CCHCR1: variants seen among roughly 807,000 people sequenced by gnomAD.
CCHCR1 encodes the protein coiled-coil alpha-helical rod protein 1, also known as HCR (a-helix coiled-coil rod homologue).
Under a neutral mutation model 114.6 loss-of-function variants are expected in CCHCR1, and 91 were observed. The ratio of observed to expected loss-of-function variants is 0.79; its 90% CI spans 0.67 to 0.94. The LOEUF (loss-of-function observed/expected upper bound fraction) is 0.94. CCHCR1 is among the 40% of genes least tolerant of loss of function. The pLI, the probability that CCHCR1 is intolerant of heterozygous loss-of-function variation, is 0.00. For synonymous variants in CCHCR1, 379 were observed against 428.5 expected, an observed-to-expected ratio of 0.88 and a Z score of 1.43; for missense variants, 899 against 1,079.9, an observed-to-expected ratio of 0.83 and a Z score of 2.35.
At chr6:31,156,981 A>C (rs765742612) in intron 2 of CCHCR1, 37 bp from the exon 3 acceptor site, 2 of 1,611,750 alleles carry the variant, frequency 1.2e-6, no homozygotes, top group African/African-American at 2.7e-5. Flanking sequence ...TCAGTTTCCC[A>C]GGCAGAGACA....
chr6:31,155,657 A>C (rs147539478), intron 3 of CCHCR1, among the ~76,000 whole-genome samples: 2,189 of 151,790 alleles, frequency 0.014, 23 homozygotes, highest in South Asian at 0.04. Context: ...GTCTGAGAGA[A>C]CAGTACATAA....
In CCHCR1 at chr6:31,156,940, G is replaced by A. The variant is rs1169902771; in HGVS notation, c.288C>T (p.Ser96=). 1.9e-6 allele frequency: 3 copies of A among 1,612,814 alleles called. No individual in the cohort carries two copies. Among genetic ancestry groups the A allele is most frequent in the Middle Eastern group, 1.6e-4 (1 of 6,062 alleles). The change falls in exon 3 of 18, where the codon TCC becomes TCT. Residue 96 remains serine (S), a synonymous_variant. Transcript: ENST00000396268. ...AGTGGGAGGGGGGAATCAGCCCAGT[G>A]GAACCTGAAGAATTACAAAAACAAA... The part of the protein sequence containing the change: ...NNVEMFPPSG[S]TGLIPPSHFQ...
chr6:31,155,655 G>C (rs536199531), intron 3 of CCHCR1, among the ~76,000 whole-genome samples: 1 of 151,378 alleles, frequency 6.6e-6, no homozygotes, highest in African/African-American at 2.4e-5. Flanking sequence ...GAGTCTGAGA[G>C]AACAGTACAT....
chr6:31,151,728 T>C lies in CCHCR1; in HGVS notation c.802-606A>G, dbSNP rs1775254769. Among the ~76,000 whole-genome samples, 1 of 152,210 alleles carries C rather than the reference T, an allele frequency of 6.6e-6. No homozygotes were observed. Among genetic ancestry groups the C allele is most frequent in the South Asian group, 2.1e-4 (1 of 4,830 alleles). On this transcript the variant is annotated intron_variant, in intron 4 of 17. Transcript: ENST00000396268. This position sits in a 1 kb window ranked among gnomAD's most constrained non-coding sequence, Gnocchi z 4.1. ...ACTGACCATATCTTGCTTATGTGTA[T>C]GTGTTACTATCTGTCGGACCACACT... is the stretch of plus-strand genomic sequence containing the variant.
At chr6:31,147,568 G>C (rs761683869) in intron 10 of CCHCR1, among the ~76,000 whole-genome samples, 1 of 152,144 alleles carries the variant, frequency 6.6e-6, no homozygotes, top group East Asian at 1.9e-4. Context: ...TGGTAGGAGA[G>C]ACAAAGGCTG....
chr6:31,148,108 C>T (rs1041058159), intron 10 of CCHCR1, among the ~76,000 whole-genome samples: 4 of 152,194 alleles, frequency 2.6e-5, no homozygotes, highest in African/African-American at 4.8e-5. Context: ...AAGATCCTCC[C>T]GGGTGCTCTA....
rs1342036151 is a variant in CCHCR1, at chr6:31,144,661, G to C, written c.2167+26C>G. Reference sequence around the variant, plus strand: ...CTTAACACTTCCTTCTTCCTGGAAGGCCCTATCCACCCTGGCAAGGCTCAC... The same window carrying C: ...CTTAACACTTCCTTCTTCCTGGAAGCCCCTATCCACCCTGGCAAGGCTCAC... On this transcript the variant is annotated intron_variant, in intron 15 of 17. Coordinates refer to ENST00000396268, the MANE Select transcript of CCHCR1 (RefSeq NM_001105564.2). The surrounding 1 kb of genome is among the most constrained non-coding windows in gnomAD (Gnocchi z 4.6). 6.2e-6 allele frequency: 9 copies of C among 1,450,160 alleles called. No homozygotes were observed. Among genetic ancestry groups the C allele is most frequent in the Non-Finnish European group, 8.7e-6 (9 of 1,037,618 alleles). 89.8% of individuals were successfully genotyped at this position (1,450,160 alleles called of 1,614,324 possible). A position where few individuals can be genotyped will look rare whatever the true frequency, so the allele number is the denominator to read the frequency against.
Position 31,157,744 on chromosome 6 carries a change from C to T in CCHCR1, c.-144G>A, listed in dbSNP as rs938806269. On this transcript the variant is annotated 5_prime_UTR_variant, in exon 1 of 18. Coordinates refer to ENST00000396268, the MANE Select transcript of CCHCR1 (RefSeq NM_001105564.2). ...TCTACTATCCCCTTAGCTTCCATGC[C>T]TGCTGCCCGCCTCCTCTTTCTCGAG... The T allele has an allele frequency of 1.5e-6, 1 of 651,004 alleles. No homozygotes were observed. Among genetic ancestry groups the T allele is most frequent in the Non-Finnish European group, 2.6e-6 (1 of 381,252 alleles). 40.3% of individuals were successfully genotyped at this position (651,004 alleles called of 1,614,324 possible). A position where few individuals can be genotyped will look rare whatever the true frequency, so the allele number is the denominator to read the frequency against.
rs2073717 is a variant in CCHCR1, at chr6:31,154,349, G to C, written c.801+147C>G. 0.6 allele frequency: 408,990 copies of C among 679,004 alleles called. 124,242 individuals are homozygous for C. Among genetic ancestry groups the C allele is most frequent in the Middle Eastern group, 0.68 (2,685 of 3,962 alleles). The allele number at this position is 679,004 out of a possible 1,614,324, so 42.1% of individuals were successfully genotyped here. ...GTACCCAAATTCTCCATCTTTCTAG[G>C]CCATGTGTGTTTATTTTCACCAAAG... On this transcript the variant is annotated intron_variant, in intron 4 of 17. Coordinates refer to ENST00000396268, the MANE Select transcript of CCHCR1 (RefSeq NM_001105564.2). This position sits in a 1 kb window ranked among gnomAD's most constrained non-coding sequence, Gnocchi z 4.1.
Position 31,154,934 on chromosome 6 carries a change from G to A in CCHCR1, c.498-135C>T. On this transcript the variant is annotated intron_variant, in intron 3 of 17. Transcript: ENST00000396268. The surrounding 1 kb of genome is among the most constrained non-coding windows in gnomAD (Gnocchi z 4.1). ...GGGAGGTGAAGGGGGTGCTGAAGCTGGGGTATGGGGATGTCTGCATTGACA... is the reference window on the plus strand; with the variant it reads ...GGGAGGTGAAGGGGGTGCTGAAGCTAGGGTATGGGGATGTCTGCATTGACA... 2 of 740,888 alleles carry A rather than the reference G, an allele frequency of 2.7e-6. No homozygotes were observed. Among genetic ancestry groups the A allele is most frequent in the Non-Finnish European group, 4.3e-6 (2 of 466,694 alleles). The allele number at this position is 740,888 out of a possible 1,614,324, so 45.9% of individuals were successfully genotyped here.
chr6:31,145,902 C>T (rs1018107858), intron 10 of CCHCR1, 94 bp from the exon 11 acceptor site: 8 of 742,522 alleles, frequency 1.1e-5, no homozygotes, highest in Non-Finnish European at 1.9e-5. Flanking sequence ...TAATCCTGTC[C>T]CATTATACAA....
At chr6:31,156,181 T>C (rs887915867) in intron 3 of CCHCR1, 3 of 152,774 alleles carry the variant, frequency 2.0e-5, no homozygotes, top group African/African-American at 7.2e-5. Context: ...AGAGTCTCTG[T>C]CTCCTGACAC....
Position 31,144,890 on chromosome 6 carries a change from C to G in CCHCR1, c.2060G>C (p.Gly687Ala), listed in dbSNP as rs1774088372. 26 of 1,613,538 alleles carry G rather than the reference C, an allele frequency of 1.6e-5. No individual in the cohort carries two copies. In the East Asian group the frequency reaches 5.8e-4, roughly 36 times the overall value. Residue 687 changes from glycine (G) to alanine (A), a missense_variant, in exon 14 of 18, where the codon GGG (glycine) becomes GCG (alanine). Transcript: ENST00000396268. The surrounding 1 kb of genome is among the most constrained non-coding windows in gnomAD (Gnocchi z 4.6). ...QELTQQQELY[G>A]QALQEKVAEV... ...ACCCATTTCCCTCTCGACACCTTGC[C>G]CGTAGAGTTCCTGCTGCTGGGTCAG...
Position 31,146,954 on chromosome 6 carries a change from C to T in CCHCR1, c.1581-1146G>A, listed in dbSNP as rs562491232. On this transcript the variant is annotated intron_variant, in intron 10 of 17. Coordinates refer to ENST00000396268, the MANE Select transcript of CCHCR1 (RefSeq NM_001105564.2). ...TCATAATTTTTAAAGCTAAATTAGTCCCTAAGGTACAAATCCAAGAGAAGG... is the reference window on the plus strand; with the variant it reads ...TCATAATTTTTAAAGCTAAATTAGTTCCTAAGGTACAAATCCAAGAGAAGG... 7.2e-5 allele frequency among the ~76,000 whole-genome samples: 11 copies of T among 152,274 alleles called. No individual in the cohort carries two copies. In the East Asian group the frequency reaches 2.1e-3, roughly 29 times the overall value.
chr6:31,153,090 G>A (rs143714444), intron 4 of CCHCR1, among the ~76,000 whole-genome samples: 4 of 152,244 alleles, frequency 2.6e-5, no homozygotes, highest in African/African-American at 9.6e-5. Context: ...CAATTCTCCT[G>A]CCTCAGCCTC....
At chr6:31,148,593 G>A (rs747740902) in intron 9 of CCHCR1, 25 bp downstream of exon 9, 14 of 1,599,146 alleles carry the variant, frequency 8.8e-6, no homozygotes, top group East Asian at 2.2e-5. Flanking sequence ...TGCCCTCCCC[G>A]AGTCTCTAGT....
Position 31,143,436 on chromosome 6 carries a change from A to C in CCHCR1, c.2168-23T>G. On this transcript the variant is annotated intron_variant, in intron 15 of 17. Transcript: ENST00000396268. The surrounding 1 kb of genome is among the most constrained non-coding windows in gnomAD (Gnocchi z 5.3). ...CCACTACAGAGAGGCCAAGGCACAG[A>C]GGAGGCAGGTGTGAGTCAGGCCAGA... is the stretch of plus-strand genomic sequence containing the variant. 6.2e-7 allele frequency: 1 copy of C among 1,611,248 alleles called. No homozygotes were observed. Among genetic ancestry groups the C allele is most frequent in the East Asian group, 2.2e-5 (1 of 44,830 alleles).
In CCHCR1 at chr6:31,142,575, C is replaced by A; in HGVS notation, c.*17G>T. ...CTCCCAGCCCCCAGGCTGGCTTTCCCTCCAACTGTCAGCTGCTTAGCTGCT... is the reference window on the plus strand; with the variant it reads ...CTCCCAGCCCCCAGGCTGGCTTTCCATCCAACTGTCAGCTGCTTAGCTGCT... On this transcript the variant is annotated 3_prime_UTR_variant, in exon 18 of 18. Transcript: ENST00000396268. The A allele has an allele frequency of 6.2e-7, 1 of 1,606,084 alleles. No individual in the cohort carries two copies. Among genetic ancestry groups the A allele is most frequent in the Non-Finnish European group, 8.5e-7 (1 of 1,174,860 alleles).
intron 10 of CCHCR1, among the ~76,000 whole-genome samples, chr6:31,147,144 T>C (rs554217916): frequency 6.6e-6 from 1 of 152,240 alleles, no homozygotes; most frequent in South Asian, 2.1e-4. Flanking sequence ...CTCAAGCCTG[T>C]AATCCCAGCA....
Sources: allele counts gnomAD v4.1 joint callset (sites outside exome capture counted in the v4.1 genomes callset), GRCh38; gene constraint gnomAD v4.1.1; non-coding constraint Gnocchi (gnomAD v3.1); transcripts MANE v1.5; gene names NCBI Gene and HGNC (gene_info 2026-07-23, HGNC 2026-07-21).